Variants in COL5A2 observed in about 807,000 individuals in gnomAD.
COL5A2 encodes collagen alpha-2(V) chain.
In COL5A2, 23 loss-of-function variants were observed where a neutral mutation model predicts 208.2. The ratio of observed to expected loss-of-function variants is 0.11; its 90% confidence interval spans 0.08 to 0.16. The LOEUF (loss-of-function observed/expected upper bound fraction) is 0.16. Among genes scored for constraint, COL5A2 ranks in the 10% least tolerant of loss-of-function variants. The probability of loss-of-function intolerance (pLI) is 1.00; values close to 1 mark genes in which losing one functional copy is unlikely to be tolerated. For synonymous variants in COL5A2, 625 were observed against 628.5 expected (o/e 0.99, Z 0.08); for missense variants, 1,590 against 1,956.4 (o/e 0.81, Z 3.53).
the COL5A2 span, among the ~76,000 whole-genome samples, chr2:189,383,476 G>A: frequency 6.6e-6 from 1 of 152,064 alleles, no homozygotes; most frequent in Non-Finnish European, 1.5e-5. Context: ...AGGCTTCAAC[G>A]TATGAATTAA....
At chr2:189,332,143 T>C in the COL5A2 span, among the ~76,000 whole-genome samples, 1 of 152,028 alleles carries the variant, frequency 6.6e-6, no homozygotes, top group Admixed American at 6.6e-5. Flanking sequence ...AAGTACATGA[T>C]TAAAAGACTG....
At chr2:189,187,048 C>T (rs1688862031) in intron 1 of COL5A2, among the ~76,000 whole-genome samples, 1 of 152,090 alleles carries the variant, frequency 6.6e-6, no homozygotes, top group African/African-American at 2.4e-5. Flanking sequence ...AGGCATCAAT[C>T]GTTACATTTA....
At chr2:189,391,881 T>C in the COL5A2 span, among the ~76,000 whole-genome samples, 149 of 152,274 alleles carry the variant, frequency 9.8e-4, 2 homozygotes, top group African/African-American at 3.2e-3. Context: ...GGAATGGATA[T>C]GTTTTCCTTA....
chr2:189,304,649 C>T, the COL5A2 span, among the ~76,000 whole-genome samples: 4 of 152,170 alleles, frequency 2.6e-5, no homozygotes. Flanking sequence ...GGATCACCCC[C>T]ATGACTCAAA....
the COL5A2 span, among the ~76,000 whole-genome samples, chr2:189,303,847 G>A: frequency 6.6e-6 from 1 of 151,982 alleles, no homozygotes; most frequent in Non-Finnish European, 1.5e-5. Flanking sequence ...TTCTGACCAC[G>A]AGGCACCCCG....
chr2:189,298,446 C>T, the COL5A2 span, among the ~76,000 whole-genome samples: 3 of 152,158 alleles, frequency 2.0e-5, 1 homozygote, highest in African/African-American at 7.2e-5. Flanking sequence ...ACATCTACTG[C>T]CTCTTCCTGC....
At chr2:189,205,587 T>C (rs558021894) in intron 1 of COL5A2, among the ~76,000 whole-genome samples, 4 of 152,358 alleles carry the variant, frequency 2.6e-5, no homozygotes, top group African/African-American at 7.2e-5. Context: ...TGAGTCACTA[T>C]GAACCACTCT....
chr2:189,269,694 T>C, the COL5A2 span, among the ~76,000 whole-genome samples: 2 of 152,188 alleles, frequency 1.3e-5, no homozygotes, highest in African/African-American at 4.8e-5. Flanking sequence ...TGGCCTGAAA[T>C]GTTCTTTTTT....
Position 189,083,914 on chromosome 2 carries a change from C to T in COL5A2, c.852+70G>A, listed in dbSNP as rs575619044. 1.7e-5 allele frequency: 20 copies of T among 1,146,620 alleles called. No individual in the cohort carries two copies. In the East Asian group the frequency reaches 4.5e-4, roughly 26 times the overall value. 71.0% of individuals were successfully genotyped at this position (1,146,620 alleles called of 1,614,324 possible). A position where few individuals can be genotyped will look rare whatever the true frequency, so the allele number is the denominator to read the frequency against. On this transcript the variant is annotated intron_variant, in intron 12 of 53. Coordinates refer to ENST00000374866, the MANE Select transcript of COL5A2 (RefSeq NM_000393.5). ...ACTTAGTGCCTGATACATGTGCATA[C>T]AGAGAATTGTGATTTAATTCAATGT...
At chr2:189,360,880 T>C in the COL5A2 span, among the ~76,000 whole-genome samples, 64 of 152,316 alleles carry the variant, frequency 4.2e-4, no homozygotes, top group African/African-American at 1.5e-3. Flanking sequence ...TTTGGTTTTC[T>C]GTTCTTTTGT....
intron 47 of COL5A2, 34 bp downstream of exon 47, chr2:189,045,145 A>C (rs1685638509): frequency 1.3e-6 from 2 of 1,518,912 alleles, no homozygotes; most frequent in Non-Finnish European, 1.8e-6. Flanking sequence ...TATATAAGAA[A>C]ACATTTTTTA....
At chr2:189,131,842 C>G (rs1198982827) in intron 1 of COL5A2, among the ~76,000 whole-genome samples, 2 of 152,110 alleles carry the variant, frequency 1.3e-5, no homozygotes, top group Non-Finnish European at 2.9e-5. Context: ...ACCTCTCATA[C>G]TTGTTAAAAC....
chr2:189,064,964 A>ACC, intron 24 of COL5A2, 40 bp downstream of exon 24: 1 of 1,600,890 alleles, frequency 6.2e-7, no homozygotes, highest in South Asian at 1.1e-5. Context: ...CTTCTGGAGC[A>ACC]CCCCCCACGT....
At chr2:189,064,145 G>T in intron 25 of COL5A2, 112 bp from the exon 26 acceptor site, 4 of 841,714 alleles carry the variant, frequency 4.8e-6, no homozygotes, top group African/African-American at 1.7e-5. Context: ...TGACATTTCT[G>T]TAAATCAAAT....
intron 43 of COL5A2, 122 bp from the exon 44 acceptor site, chr2:189,049,576 C>A: frequency 1.3e-6 from 1 of 744,918 alleles, no homozygotes; most frequent in Admixed American, 2.1e-5. Context: ...TTTGCATTAT[C>A]TTACAACACT....
At position 189,083,145 on chromosome 2, in the gene COL5A2, T is replaced by A. The variant is rs1358632338; in HGVS notation, c.852+839A>T. Reference sequence around the variant, plus strand: ...AATATAATAAATGGGAGAGTGAATGTTTAGGGGCTGTTGAGCAGGAGAAAC... The same window carrying A: ...AATATAATAAATGGGAGAGTGAATGATTAGGGGCTGTTGAGCAGGAGAAAC... On this transcript the variant is annotated intron_variant, in intron 12 of 53. Coordinates refer to ENST00000374866, the MANE Select transcript of COL5A2 (RefSeq NM_000393.5). Among the ~76,000 whole-genome samples, 4 of 152,116 alleles carry A rather than the reference T, an allele frequency of 2.6e-5. No individual in the cohort carries two copies. In the East Asian group the frequency reaches 7.7e-4, roughly 29 times the overall value.
chr2:189,309,116 G>A, the COL5A2 span, among the ~76,000 whole-genome samples: 3 of 152,168 alleles, frequency 2.0e-5, no homozygotes, highest in Admixed American at 6.5e-5. Context: ...TAGGGCATGA[G>A]AGGGTCTCTC....
chr2:189,064,965 C>T (rs370423199), intron 24 of COL5A2, 39 bp downstream of exon 24: 3 of 1,595,066 alleles, frequency 1.9e-6, no homozygotes, highest in Non-Finnish European at 8.6e-7. Flanking sequence ...TTCTGGAGCA[C>T]CCCCCACGTA....
chr2:189,119,894 T>C (rs1687466758), intron 1 of COL5A2, among the ~76,000 whole-genome samples: 1 of 152,208 alleles, frequency 6.6e-6, no homozygotes, highest in Admixed American at 6.5e-5. Flanking sequence ...AATTAATAAA[T>C]GAAAAGTGTG....
Sources: allele counts gnomAD v4.1 joint callset (sites outside exome capture counted in the v4.1 genomes callset), GRCh38; gene constraint gnomAD v4.1.1; transcripts MANE v1.5; gene names NCBI Gene and HGNC (gene_info 2026-07-23, HGNC 2026-07-21).